QNG1: variants seen among roughly 807,000 people sequenced by gnomAD.
QNG1 encodes the protein queuosine 5'-phosphate N-glycosylase/hydrolase.
chr9:83,952,812 AC>A, the QNG1 span, among the ~76,000 whole-genome samples: 85 of 150,100 alleles, frequency 5.7e-4, no homozygotes, highest in East Asian at 1.2e-3. Flanking sequence ...AAAAAAAAAA[AC>A]AAAAATTAGC....
the QNG1 span, among the ~76,000 whole-genome samples, chr9:83,942,393 A>G: frequency 1.3e-5 from 2 of 152,214 alleles, no homozygotes; most frequent in African/African-American, 4.8e-5. Flanking sequence ...TAATTGGCCA[A>G]GTACTACGTC....
At chr9:83,950,348 A>G in the QNG1 span, among the ~76,000 whole-genome samples, 1 of 152,010 alleles carries the variant, frequency 6.6e-6, no homozygotes. Context: ...ACGCCTGGCC[A>G]TCTCTATAAA....
chr9:83,952,651 C>T, the QNG1 span, among the ~76,000 whole-genome samples: 9 of 152,024 alleles, frequency 5.9e-5, no homozygotes, highest in South Asian at 8.3e-4. Context: ...AAAAATTAGC[C>T]GCGCGTGGTG....
chr9:83,948,498 C>A, the QNG1 span, among the ~76,000 whole-genome samples: 1 of 147,838 alleles, frequency 6.8e-6, no homozygotes, highest in Non-Finnish European at 1.5e-5. Context: ...CGCCCGGCCA[C>A]CGCCCTGTCC....
the QNG1 span, among the ~76,000 whole-genome samples, chr9:83,949,570 C>T: frequency 2.6e-5 from 4 of 152,022 alleles, no homozygotes; most frequent in Admixed American, 1.3e-4. Flanking sequence ...CACTTGAACC[C>T]GGGAGGCCGA....
chr9:83,943,353 A>C, the QNG1 span, among the ~76,000 whole-genome samples: 2 of 149,610 alleles, frequency 1.3e-5, no homozygotes, highest in Non-Finnish European at 3.0e-5. Flanking sequence ...AAAAAAAAAA[A>C]AAAAAGAAAG....
the QNG1 span, chr9:83,956,765 C>G: frequency 7.3e-5 from 28 of 385,282 alleles, no homozygotes; most frequent in African/African-American, 4.8e-4. Flanking sequence ...CCGTTCACGC[C>G]CTCTCGGGCG....
At chr9:83,951,431 G>A in the QNG1 span, among the ~76,000 whole-genome samples, 43 of 152,098 alleles carry the variant, frequency 2.8e-4, no homozygotes, top group South Asian at 8.3e-4. Context: ...GTGGTGGTGC[G>A]CACCTCTAAT....
the QNG1 span, chr9:83,956,926 G>C: frequency 1.3e-5 from 2 of 157,034 alleles, no homozygotes; most frequent in Non-Finnish European, 2.8e-5. Flanking sequence ...ACTCGAAGAC[G>C]GCGACTCGCC....
chr9:83,949,762 C>A, the QNG1 span, among the ~76,000 whole-genome samples: 1 of 151,198 alleles, frequency 6.6e-6, no homozygotes, highest in African/African-American at 2.4e-5. Flanking sequence ...TAGATAGAAG[C>A]CATTATCTGC....
the QNG1 span, among the ~76,000 whole-genome samples, chr9:83,941,097 G>C: frequency 6.6e-6 from 1 of 152,214 alleles, no homozygotes; most frequent in African/African-American, 2.4e-5. Flanking sequence ...TATCAGGTAA[G>C]ACACTGCTCC....
At chr9:83,955,241 C>A in the QNG1 span, 1 of 862,412 alleles carries the variant, frequency 1.2e-6, no homozygotes, top group Non-Finnish European at 1.7e-6. Flanking sequence ...GACTTTGAAA[C>A]ACTACTTGAT....
the QNG1 span, chr9:83,956,653 A>G: frequency 2.9e-5 from 17 of 592,932 alleles, no homozygotes; most frequent in South Asian, 4.3e-4. Flanking sequence ...AGTGCAGCCA[A>G]GGTAAAGGTT....
the QNG1 span, among the ~76,000 whole-genome samples, chr9:83,942,006 G>T: frequency 6.6e-6 from 1 of 152,128 alleles, no homozygotes; most frequent in Non-Finnish European, 1.5e-5. Context: ...GGAATGTCAA[G>T]GACTGCTGGA....
At chr9:83,952,973 A>AG in the QNG1 span, among the ~76,000 whole-genome samples, 2 of 151,688 alleles carry the variant, frequency 1.3e-5, no homozygotes, top group Non-Finnish European at 2.9e-5. Context: ...AAAAAAAAAA[A>AG]AAAGTATCAG....
At chr9:83,956,420 G>C in the QNG1 span, 5 of 1,581,784 alleles carry the variant, frequency 3.2e-6, no homozygotes, top group East Asian at 2.2e-5. Context: ...CCCTCCGTAC[G>C]CCTCCGCTGT....
chr9:83,945,849 G>A, the QNG1 span, among the ~76,000 whole-genome samples: 1 of 151,942 alleles, frequency 6.6e-6, no homozygotes, highest in Non-Finnish European at 1.5e-5. Flanking sequence ...TGATCTGCCC[G>A]CTTCGGCCTC....
the QNG1 span, among the ~76,000 whole-genome samples, chr9:83,939,904 A>G: frequency 6.6e-6 from 1 of 152,186 alleles, no homozygotes; most frequent in Non-Finnish European, 1.5e-5. Context: ...AAACTTTCGC[A>G]CTGATTTTAA....
At chr9:83,949,677 A>C in the QNG1 span, among the ~76,000 whole-genome samples, 29 of 152,030 alleles carry the variant, frequency 1.9e-4, no homozygotes, top group African/African-American at 6.5e-4. Flanking sequence ...CAAAAAAAAA[A>C]CCCAGCAAGA....
Sources: gnomAD v4.1 joint callset for allele counts (sites outside exome capture counted in the v4.1 genomes callset) on GRCh38, gnomAD v4.1.1 for gene constraint, MANE v1.5 for transcripts, NCBI Gene and HGNC (gene_info 2026-07-23, HGNC 2026-07-21) for gene names.